The following IQCH variants were observed in gnomAD, a reference collection of about 807,000 sequenced individuals.
IQCH encodes the protein IQ motif containing H, also known as IQ domain-containing protein H.
A neutral mutation model predicts 117.0 loss-of-function variants in IQCH; 98 were observed. That is an observed-to-expected ratio of 0.84 (90% CI 0.71 to 0.99). The LOEUF (loss-of-function observed/expected upper bound fraction) is 0.99, where lower values mean the gene tolerates loss of function less well. Among genes scored for constraint, IQCH ranks in the 50% least tolerant of loss-of-function variants. The probability of loss-of-function intolerance (pLI) is 0.00; values close to 1 mark genes in which losing one functional copy is unlikely to be tolerated. For synonymous variants in IQCH, 412 were observed against 448.2 expected, an observed-to-expected ratio of 0.92 and a Z score of 1.02; for missense variants, 1,102 against 1,243.8, an observed-to-expected ratio of 0.89 and a Z score of 1.72.
In IQCH at chr15:67,416,934, C is replaced by G; in HGVS notation, c.2101C>G (p.Pro701Ala). Residue 701 changes from proline (P) to alanine (A), a missense_variant, in exon 15 of 21, where the codon CCA becomes GCA. Transcript: ENST00000335894. This position sits in a 1 kb window ranked among gnomAD's most constrained non-coding sequence, Gnocchi z 5.1. ...TCTATTTAATTTGTTTCTGCAGGAG[C>G]CAGCTTTGGTGAAGATCTCTGAGGA... The part of the protein sequence containing the change: ...EDWRKKWAQE[P>A]ALVKISEELA... 1 of 1,588,748 alleles carries G rather than the reference C, an allele frequency of 6.3e-7. No homozygotes were observed. Among genetic ancestry groups the G allele is most frequent in the Non-Finnish European group, 8.6e-7 (1 of 1,168,636 alleles).
Position 67,376,180 on chromosome 15 carries a change from C to T in IQCH, c.1372+2747C>T, listed in dbSNP as rs770668416. 5.3e-5 allele frequency among the ~76,000 whole-genome samples: 8 copies of T among 152,208 alleles called. No homozygotes were observed. Among genetic ancestry groups the T allele is most frequent in the African/African-American group, 1.7e-4 (7 of 41,530 alleles). ...CTATTCCACAGATAGAATTCTCAAA[C>T]GATGTATATATTTTTAAGGATATAG... On this transcript the variant is annotated intron_variant, in intron 10 of 20. Coordinates refer to ENST00000335894, the MANE Select transcript of IQCH (RefSeq NM_001031715.3). The surrounding 1 kb of genome is among the most constrained non-coding windows in gnomAD (Gnocchi z 5.0).
At chr15:67,429,505 G>A (rs1279573433) in intron 16 of IQCH, among the ~76,000 whole-genome samples, 2 of 152,136 alleles carry the variant, frequency 1.3e-5, no homozygotes, top group African/African-American at 2.4e-5. Flanking sequence ...GCAACAGAAC[G>A]AGACCCTGTC....
Position 67,364,242 on chromosome 15 carries a change from T to C in IQCH, c.753+4357T>C, listed in dbSNP as rs1349375365. ...CTGTTATTTTTTGACCTTTTTATAA[T>C]AGTCATTCTGACTGGTATGAGATGG... On this transcript the variant is annotated intron_variant, in intron 8 of 20. Transcript: ENST00000335894. The surrounding 1 kb of genome is among the most constrained non-coding windows in gnomAD (Gnocchi z 4.1). Among the ~76,000 whole-genome samples the C allele has an allele frequency of 6.6e-6, 1 of 152,312 alleles. No homozygotes were observed. The highest frequency in any genetic ancestry group is 1.9e-4 in the East Asian group (1 of 5,192).
chr15:67,482,486 A>G (rs1485497425), intron 18 of IQCH, among the ~76,000 whole-genome samples: 2 of 152,172 alleles, frequency 1.3e-5, no homozygotes, highest in African/African-American at 4.8e-5. Context: ...AGTTATTTCT[A>G]TTTGATAGCA....
At chr15:67,375,822 T>C (rs1191882391) in intron 10 of IQCH, among the ~76,000 whole-genome samples, 1 of 146,756 alleles carries the variant, frequency 6.8e-6, no homozygotes, top group Non-Finnish European at 1.5e-5. Context: ...AGTCTCACTC[T>C]GTCACCCAGG....
Position 67,421,574 on chromosome 15 carries a change from A to G in IQCH, c.2502A>G (p.Gln834=). Residue 834 remains glutamine, a synonymous_variant, in exon 16 of 21, where the codon CAA becomes CAG. Transcript: ENST00000335894. ...TTATAGATCCAAGCACCTTGGAACA[A>G]CAGGTAAGTTGAATGGATGCCATAC... is the stretch of plus-strand genomic sequence containing the variant. The part of the protein sequence containing the change: ...VTFIDPSTLE[Q]QVWATGLNLA... 6.2e-7 allele frequency: 1 copy of G among 1,614,054 alleles called. No homozygotes were observed. The highest frequency in any genetic ancestry group is 8.5e-7 in the Non-Finnish European group (1 of 1,179,952).
At chr15:67,349,975 G>C (rs529312799) in intron 6 of IQCH, among the ~76,000 whole-genome samples, 6 of 152,264 alleles carry the variant, frequency 3.9e-5, no homozygotes, top group Non-Finnish European at 8.8e-5. Context: ...TATTTATAAA[G>C]TTAAACATGC....
intron 16 of IQCH, among the ~76,000 whole-genome samples, chr15:67,450,283 G>A (rs2082490746): frequency 6.6e-6 from 1 of 152,136 alleles, no homozygotes. Context: ...GTGAGAGGGG[G>A]CATCCCTGTC....
intron 1 of IQCH, 164 bp downstream of exon 1, chr15:67,255,111 G>A (rs1965091479): frequency 2.9e-6 from 2 of 679,560 alleles, no homozygotes; most frequent in South Asian, 3.4e-5. Flanking sequence ...CTTCCCCCAC[G>A]GCCCAGCACA....
At chr15:67,322,209 C>T (rs1363677090) in intron 4 of IQCH, among the ~76,000 whole-genome samples, 1 of 152,146 alleles carries the variant, frequency 6.6e-6, no homozygotes, top group Admixed American at 6.5e-5. Context: ...CTGTTTAAGA[C>T]TCTTTCATCA....
At chr15:67,355,368 C>T (rs925973893) in intron 6 of IQCH, among the ~76,000 whole-genome samples, 12 of 151,862 alleles carry the variant, frequency 7.9e-5, no homozygotes, top group East Asian at 1.9e-4. Flanking sequence ...GGGTGGATCA[C>T]GAGATCAGGA....
In IQCH at chr15:67,465,450, C is replaced by T. The variant is rs2082907168; in HGVS notation, c.2676+153C>T. ...CTTGTCTGAGCAGGGTCTGGAAATG[C>T]GAATGTGTTGGTCAGAGGAAAGGGA... On this transcript the variant is annotated intron_variant, in intron 17 of 20. Transcript: ENST00000335894. The surrounding 1 kb of genome is among the most constrained non-coding windows in gnomAD (Gnocchi z 5.9). Among the ~76,000 whole-genome samples the T allele has an allele frequency of 1.3e-5, 2 of 151,862 alleles. No homozygotes were observed. Among genetic ancestry groups the T allele is most frequent in the African/African-American group, 4.8e-5 (2 of 41,318 alleles).
At chr15:67,270,199 G>A (rs370946152) in intron 3 of IQCH, among the ~76,000 whole-genome samples, 1 of 152,044 alleles carries the variant, frequency 6.6e-6, no homozygotes. Context: ...TTTCCAATTT[G>A]GATGCCTTTA....
chr15:67,408,896 A>G lies in IQCH; in HGVS notation c.2098-8035A>G, dbSNP rs776692288. Among the ~76,000 whole-genome samples, 66 of 152,302 alleles carry G rather than the reference A, an allele frequency of 4.3e-4. No homozygotes were observed. Among genetic ancestry groups the G allele is most frequent in the Non-Finnish European group, 6.9e-4 (47 of 68,014 alleles). ...GGTTTCTGCTTTAAAATATTGCATG[A>G]TCTTAGAACAGTCATATGTATTTAC... is the stretch of plus-strand genomic sequence containing the variant. On this transcript the variant is annotated intron_variant, in intron 14 of 20. Coordinates refer to ENST00000335894, the MANE Select transcript of IQCH (RefSeq NM_001031715.3). This position sits in a 1 kb window ranked among gnomAD's most constrained non-coding sequence, Gnocchi z 4.2.
In IQCH at chr15:67,368,377, G is replaced by T. The variant is rs566688706; in HGVS notation, c.754-3734G>T. ...AATTCTAGCCAGCTGAGGTCCTGAT[G>T]TTTATTCTATAGAAAGCTCAACACA... On this transcript the variant is annotated intron_variant, in intron 8 of 20. Transcript: ENST00000335894. Among the ~76,000 whole-genome samples the T allele has an allele frequency of 3.3e-5, 5 of 152,290 alleles. No homozygotes were observed. In the East Asian group the frequency reaches 7.7e-4, roughly 23 times the overall value.
intron 4 of IQCH, among the ~76,000 whole-genome samples, chr15:67,313,405 G>A (rs549845326): frequency 6.6e-6 from 1 of 152,218 alleles, no homozygotes; most frequent in Admixed American, 6.5e-5. Context: ...CATCGTCAGG[G>A]CCACAGTCCT....
intron 16 of IQCH, among the ~76,000 whole-genome samples, chr15:67,423,150 G>T (rs1175561025): frequency 6.6e-6 from 1 of 152,202 alleles, no homozygotes; most frequent in Non-Finnish European, 1.5e-5. Flanking sequence ...CAAACTGAAG[G>T]TCATTCAGAA....
intron 8 of IQCH, among the ~76,000 whole-genome samples, chr15:67,360,962 C>T (rs538699764): frequency 2.1e-4 from 32 of 152,296 alleles, no homozygotes; most frequent in Non-Finnish European, 2.8e-4. Context: ...GATGTGTTTA[C>T]GAACAGTAAG....
chr15:67,462,245 G>A lies in IQCH; in HGVS notation c.2506-2882G>A, dbSNP rs140997580. 5.9e-3 allele frequency among the ~76,000 whole-genome samples: 901 copies of A among 151,782 alleles called. 6 individuals are homozygous for A. The highest frequency in any genetic ancestry group is 0.021 in the African/African-American group (861 of 41,484). On this transcript the variant is annotated intron_variant, in intron 16 of 20. Transcript: ENST00000335894. ...AGTTCCAGACCAGCCTGGCCAAGAC[G>A]GTGAAACCCCGTCTCTACTAAAAAT...
Sources: gnomAD v4.1 joint callset for allele counts (sites outside exome capture counted in the v4.1 genomes callset) on GRCh38, gnomAD v4.1.1 for gene constraint, Gnocchi (gnomAD v3.1) non-coding constraint, MANE v1.5 for transcripts, NCBI Gene and HGNC (gene_info 2026-07-23, HGNC 2026-07-21) for gene names.